Variants in NRTN observed in about 807,000 individuals in gnomAD.
NRTN encodes the protein prepro-neurturin.
Under a neutral mutation model 7.5 loss-of-function variants are expected in NRTN, and 3 were observed. The observed-to-expected ratio is 0.40, with a 90% CI of 0.18 to 1.03. NRTN has a LOEUF of 1.03. NRTN is among the 50% of genes least tolerant of loss of function. The probability of loss-of-function intolerance (pLI) is 0.34; values close to 1 mark genes in which losing one functional copy is unlikely to be tolerated. For missense variants in NRTN, 310 were observed against 307.0 expected (o/e 1.01, Z -0.07); for synonymous variants, 157 against 146.6 (o/e 1.07, Z -0.51).
intron 1 of NRTN, among the ~76,000 whole-genome samples, chr19:5,810,107 T>A (rs1225339817): frequency 1.3e-5 from 2 of 149,798 alleles, no homozygotes; most frequent in African/African-American, 5.0e-5. Context: ...CTACTAAAAA[T>A]ACAAAAAAAA....
chr19:5,805,988 C>T (rs1320706564), intron 1 of NRTN, among the ~76,000 whole-genome samples: 1 of 152,120 alleles, frequency 6.6e-6, no homozygotes, highest in African/African-American at 2.4e-5. Flanking sequence ...GAGGGCCGGG[C>T]CCTCTCGGCT....
chr19:5,824,173 G>T lies in NRTN; in HGVS notation c.8G>T (p.Arg3Leu). The change falls in exon 2 of 3, where the codon CGC becomes CTC. Residue 3 changes from arginine to leucine, a missense_variant. Arg to Leu is a moderately radical substitution (Grantham distance 102, BLOSUM62 -2). Transcript: ENST00000303212. MQ[R>L]WKAAALASVL... is the part of the protein sequence containing the mutation. The stretch of plus-strand genomic sequence containing the variant: ...CGTGCCCGCAGGCTGAGGATGCAGC[G>T]CTGGAAGGCGGCGGCCTTGGCCTCA... 1.9e-6 allele frequency: 3 copies of T among 1,608,328 alleles called. No homozygotes were observed. The highest frequency in any genetic ancestry group is 2.5e-6 in the Non-Finnish European group (3 of 1,179,888).
intron 1 of NRTN, among the ~76,000 whole-genome samples, chr19:5,819,717 G>A (rs551173048): frequency 1.3e-5 from 2 of 151,864 alleles, no homozygotes; most frequent in East Asian, 3.9e-4. Context: ...GTGTGGTGGT[G>A]CATGCCTGTG....
At chr19:5,821,325 G>A (rs1383442589) in intron 1 of NRTN, among the ~76,000 whole-genome samples, 2 of 89,352 alleles carry the variant, frequency 2.2e-5, no homozygotes, top group Admixed American at 1.7e-4. Context: ...TTTTTTTTGC[G>A]ACAGAGTTTC....
chr19:5,817,315 C>T (rs1357617070), intron 1 of NRTN, among the ~76,000 whole-genome samples: 2 of 151,494 alleles, frequency 1.3e-5, no homozygotes, highest in Admixed American at 1.3e-4. Flanking sequence ...GGTTGCGCCA[C>T]TGCACTCCAG....
At chr19:5,811,217 C>T (rs2056989759) in intron 1 of NRTN, among the ~76,000 whole-genome samples, 1 of 151,832 alleles carries the variant, frequency 6.6e-6, no homozygotes, top group African/African-American at 2.4e-5. Context: ...CACAGCGAGA[C>T]TTTTGTCTTG....
chr19:5,822,820 G>T (rs1373948264), intron 1 of NRTN, among the ~76,000 whole-genome samples: 1 of 152,032 alleles, frequency 6.6e-6, no homozygotes, highest in Non-Finnish European at 1.5e-5. Context: ...GGGCAACGTT[G>T]TGAGATTCCC....
intron 1 of NRTN, among the ~76,000 whole-genome samples, chr19:5,818,650 G>T (rs1439968795): frequency 6.6e-6 from 1 of 152,074 alleles, no homozygotes; most frequent in Non-Finnish European, 1.5e-5. Context: ...CTACAAATGT[G>T]TGTCTCTATG....
chr19:5,813,261 A>T (rs2056995720), intron 1 of NRTN, among the ~76,000 whole-genome samples: 1 of 151,492 alleles, frequency 6.6e-6, no homozygotes, highest in Non-Finnish European at 1.5e-5. Flanking sequence ...GAGGCTGGGC[A>T]CAGTGGTTCA....
chr19:5,812,862 G>A (rs1388957339), intron 1 of NRTN, among the ~76,000 whole-genome samples: 4 of 152,176 alleles, frequency 2.6e-5, no homozygotes, highest in Admixed American at 6.5e-5. Context: ...GTGAGCCCTC[G>A]AGCTATCAGC....
intron 1 of NRTN, among the ~76,000 whole-genome samples, chr19:5,814,062 C>T (rs1471679272): frequency 2.0e-5 from 3 of 151,952 alleles, no homozygotes; most frequent in African/African-American, 4.8e-5. Flanking sequence ...AGGAGTGAAA[C>T]GGAGAGGAAG....
chr19:5,826,922 T>C (rs888268077), intron 2 of NRTN, among the ~76,000 whole-genome samples: 1 of 152,166 alleles, frequency 6.6e-6, no homozygotes, highest in African/African-American at 2.4e-5. Context: ...TGTCGCTCTC[T>C]CTCGGCCACC....
At chr19:5,823,088 GAAGAAAGA>G (rs202139929) in intron 1 of NRTN, among the ~76,000 whole-genome samples, 29,514 of 150,004 alleles carry the variant, frequency 0.2, 3,300 homozygotes, top group South Asian at 0.31. Flanking sequence ...AAGAAAGAGA[GAAGAAAGA>G]AAGAAAAAGG....
Position 5,828,182 on chromosome 19 carries a change from C to T in NRTN, c.*9C>T. 6.5e-7 allele frequency: 1 copy of T among 1,529,986 alleles called. No homozygotes were observed. Among genetic ancestry groups the T allele is most frequent in the South Asian group, 1.2e-5 (1 of 83,664 alleles). 94.8% of individuals were successfully genotyped at this position (1,529,986 alleles called of 1,614,324 possible). On this transcript the variant is annotated 3_prime_UTR_variant, in exon 3 of 3. Transcript: ENST00000303212. ...AGTGCGCCTGCGTGTGACCCTACCT[C>T]ACTCGGCCGGCGCGGCGGCCACTCC...
In NRTN at chr19:5,827,949, A is replaced by G. The variant is rs1193583154; in HGVS notation, c.370A>G (p.Thr124Ala). ...GGGCCTGGGCTACGCGTCCGACGAGACGGTGCTGTTCCGCTACTGCGCAGG... is the reference window on the plus strand; with the variant it reads ...GGGCCTGGGCTACGCGTCCGACGAGGCGGTGCTGTTCCGCTACTGCGCAGG... ...ELGLGYASDE[T>A]VLFRYCAGAC... is the part of the protein sequence containing the mutation. The change falls in exon 3 of 3, where the codon ACG becomes GCG. Residue 124 changes from threonine (T) to alanine (A), a missense_variant. Thr to Ala is a moderately conservative substitution (Grantham distance 58). Transcript: ENST00000303212. The G allele has an allele frequency of 2.7e-6, 4 of 1,487,632 alleles. No homozygotes were observed. The highest frequency in any genetic ancestry group is 3.6e-6 in the Non-Finnish European group (4 of 1,124,750). 92.2% of individuals were successfully genotyped at this position (1,487,632 alleles called of 1,614,324 possible).
chr19:5,816,756 A>G (rs1277686359), intron 1 of NRTN, among the ~76,000 whole-genome samples: 4 of 152,112 alleles, frequency 2.6e-5, no homozygotes, highest in African/African-American at 7.2e-5. Context: ...GCCTCAAGCA[A>G]TCCTCCTGCC....
chr19:5,816,790 C>G (rs1314595623), intron 1 of NRTN, among the ~76,000 whole-genome samples: 1 of 152,162 alleles, frequency 6.6e-6, no homozygotes, highest in East Asian at 1.9e-4. Flanking sequence ...GTGCTGGGAT[C>G]AAAGGCATGA....
intron 1 of NRTN, among the ~76,000 whole-genome samples, chr19:5,821,638 T>TCATTCAC: frequency 7.6e-6 from 1 of 131,522 alleles, no homozygotes; most frequent in South Asian, 2.3e-4. Context: ...CATTCATTCA[T>TCATTCAC]TCATCATTCA....
chr19:5,820,936 C>G (rs2057022609), intron 1 of NRTN, among the ~76,000 whole-genome samples: 1 of 152,068 alleles, frequency 6.6e-6, no homozygotes, highest in African/African-American at 2.4e-5. Context: ...TCACTCTGCT[C>G]AGACACACGG....
Sources: gnomAD v4.1 joint callset for allele counts (sites outside exome capture counted in the v4.1 genomes callset) on GRCh38, gnomAD v4.1.1 for gene constraint, MANE v1.5 for transcripts, NCBI Gene and HGNC (gene_info 2026-07-23, HGNC 2026-07-21) for gene names.